The following MAN2A1 variants were observed in gnomAD, a reference collection of about 807,000 sequenced individuals.
MAN2A1 encodes mannosidase alpha class 2A member 1.
A neutral mutation model predicts 142.6 loss-of-function variants in MAN2A1; 76 were observed. The observed-to-expected ratio is 0.53, with a 90% CI of 0.44 to 0.65. MAN2A1 has a LOEUF of 0.65. Ranked by LOEUF, MAN2A1 falls within the 30% of genes least tolerant of loss-of-function variation. MAN2A1 has a pLI of 0.00. For synonymous variants in MAN2A1, 559 were observed against 473.2 expected, an observed-to-expected ratio of 1.18 and a Z score of -2.35; for missense variants, 1,311 against 1,365.1, an observed-to-expected ratio of 0.96 and a Z score of 0.62.
At position 109,868,867 on chromosome 5, in the gene MAN2A1, C is replaced by A. The variant is rs1460807721; in HGVS notation, c.*1869C>A. ...ATTGCATCTTAAATGTATAACCTTC[C>A]TGTGGGAGTTCAGTTTGTCTGTGGT... On this transcript the variant is annotated 3_prime_UTR_variant, in exon 22 of 22. Transcript: ENST00000261483. 1 of 152,082 alleles carries A rather than the reference C, an allele frequency of 6.6e-6. No individual in the cohort carries two copies. The highest frequency in any genetic ancestry group is 1.5e-5 in the Non-Finnish European group (1 of 68,034). The allele number at this position is 152,082 out of a possible 1,614,324, so 9.4% of individuals were successfully genotyped here.
Position 109,823,831 on chromosome 5 carries a change from A to C in MAN2A1, c.2560A>C (p.Ile854Leu). The C allele has an allele frequency of 1.3e-6, 2 of 1,516,662 alleles. No individual in the cohort carries two copies. Among genetic ancestry groups the C allele is most frequent in the Non-Finnish European group, 1.8e-6 (2 of 1,115,096 alleles). The allele number at this position is 1,516,662 out of a possible 1,614,324, so 94.0% of individuals were successfully genotyped here. A position where few individuals can be genotyped will look rare whatever the true frequency, so the allele number is the denominator to read the frequency against. ...TACTCATAGAGTCCGACTATACCACATACAGGGTAAGAAAATAGGAATGCA... is the reference window on the plus strand; with the variant it reads ...TACTCATAGAGTCCGACTATACCACCTACAGGGTAAGAAAATAGGAATGCA... ...HVTHRVRLYH[I>L]QGIEGQSVEV... The change falls in exon 16 of 22, where the codon ATA (isoleucine) becomes CTA (leucine). Residue 854 changes from isoleucine to leucine, a missense_variant. Ile to Leu is a conservative substitution (Grantham distance 5). Coordinates refer to ENST00000261483, the MANE Select transcript of MAN2A1 (RefSeq NM_002372.4).
At chr5:109,851,184 C>G (rs763226806) in intron 19 of MAN2A1, among the ~76,000 whole-genome samples, 8 of 152,226 alleles carry the variant, frequency 5.3e-5, no homozygotes, top group Non-Finnish European at 1.2e-4. Context: ...TCAGTAAAAA[C>G]AAGGACTTGG....
intron 2 of MAN2A1, among the ~76,000 whole-genome samples, chr5:109,714,692 A>G (rs79657748): frequency 0.018 from 2,802 of 152,314 alleles, 33 homozygotes; most frequent in Middle Eastern, 0.071. Context: ...AAGTTGGACA[A>G]AATTATTTGG....
chr5:109,820,991 T>C (rs1307292908), intron 15 of MAN2A1, among the ~76,000 whole-genome samples: 1 of 152,180 alleles, frequency 6.6e-6, no homozygotes, highest in African/African-American at 2.4e-5. Flanking sequence ...GGACCATTTT[T>C]CTCCTTAACT....
intron 16 of MAN2A1, among the ~76,000 whole-genome samples, chr5:109,829,113 A>G (rs897996566): frequency 5.3e-5 from 8 of 152,236 alleles, no homozygotes; most frequent in African/African-American, 1.9e-4. Flanking sequence ...TTTGTAAGCA[A>G]TGAATCCAGC....
intron 4 of MAN2A1, among the ~76,000 whole-genome samples, chr5:109,730,179 T>G (rs536381459): frequency 1.3e-5 from 2 of 152,314 alleles, no homozygotes; most frequent in Admixed American, 1.3e-4. Flanking sequence ...AGCAATATAA[T>G]TTTTGAAGTT....
chr5:109,790,086 T>C (rs2112679664), intron 12 of MAN2A1, among the ~76,000 whole-genome samples: 1 of 151,964 alleles, frequency 6.6e-6, no homozygotes, highest in Non-Finnish European at 1.5e-5. Flanking sequence ...TATAAAGAAA[T>C]GCATTATGTT....
chr5:109,738,024 A>G (rs903037331), intron 4 of MAN2A1, among the ~76,000 whole-genome samples: 5 of 152,258 alleles, frequency 3.3e-5, no homozygotes, highest in African/African-American at 9.6e-5. Flanking sequence ...TTCCTTATAC[A>G]GCTTTGTTCA....
intron 20 of MAN2A1, among the ~76,000 whole-genome samples, chr5:109,859,452 A>G (rs1755702357): frequency 2.6e-5 from 4 of 152,238 alleles, no homozygotes; most frequent in Admixed American, 2.6e-4. Context: ...CCTGCCTCAC[A>G]GCATGCTGCG....
In MAN2A1 at chr5:109,830,680, TTAAG is replaced by T. The variant is rs550525932; in HGVS notation, c.2566+6849_2566+6852del. On this transcript the variant is annotated intron_variant, in intron 16 of 21. Coordinates refer to ENST00000261483, the MANE Select transcript of MAN2A1 (RefSeq NM_002372.4). ...TAGTTTGATTTAAAAGTAAAAAGCA[TTAAG>T]TAAGTTATAGCTAGGCAGGCTTAGG... 1.9e-3 allele frequency among the ~76,000 whole-genome samples: 295 copies of T among 152,358 alleles called. 2 individuals are homozygous for T. Among genetic ancestry groups the T allele is most frequent in the Non-Finnish European group, 3.3e-3 (226 of 68,024 alleles).
intron 3 of MAN2A1, among the ~76,000 whole-genome samples, chr5:109,725,917 A>G (rs73217353): frequency 0.01 from 1,594 of 152,296 alleles, 30 homozygotes; most frequent in African/African-American, 0.036. Flanking sequence ...AGAACTTAAA[A>G]AAAAATAGTG....
At chr5:109,841,137 C>G (rs957224217) in intron 16 of MAN2A1, among the ~76,000 whole-genome samples, 1 of 152,072 alleles carries the variant, frequency 6.6e-6, no homozygotes, top group East Asian at 1.9e-4. Context: ...ATATCTCTCT[C>G]GCACCGTTTT....
intron 5 of MAN2A1, among the ~76,000 whole-genome samples, chr5:109,765,446 T>C (rs1323723705): frequency 6.6e-6 from 1 of 152,192 alleles, no homozygotes; most frequent in East Asian, 1.9e-4. Flanking sequence ...TTGTCCTCAC[T>C]GCATCATATC....
intron 8 of MAN2A1, among the ~76,000 whole-genome samples, chr5:109,775,725 G>A (rs146360659): frequency 2.0e-5 from 3 of 151,972 alleles, no homozygotes; most frequent in East Asian, 3.9e-4. Context: ...TAAAAGTTCT[G>A]TTTAAAAATA....
chr5:109,729,404 G>A lies in MAN2A1; in HGVS notation c.598G>A (p.Val200Ile), dbSNP rs775626433. 6.2e-6 allele frequency: 10 copies of A among 1,605,816 alleles called. No homozygotes were observed. The highest frequency in any genetic ancestry group is 1.3e-5 in the African/African-American group (1 of 74,610). Reference sequence around the variant, plus strand: ...GACTCAGTATATTTTTAATAACATGGTCCTAAAGCTGAAAGAAGACTCACG... The same window carrying A: ...GACTCAGTATATTTTTAATAACATGATCCTAAAGCTGAAAGAAGACTCACG... Reference protein sequence around the residue: ...DKTQYIFNNMVLKLKEDSRRK... With the variant: ...DKTQYIFNNMILKLKEDSRRK... The change falls in exon 4 of 22, where the codon GTC (valine) becomes ATC (isoleucine). Residue 200 changes from valine (V) to isoleucine (I), a missense_variant. By Grantham distance (29) the Val-to-Ile change is conservative. Coordinates refer to ENST00000261483, the MANE Select transcript of MAN2A1 (RefSeq NM_002372.4).
chr5:109,830,082 A>G (rs1003665145), intron 16 of MAN2A1, among the ~76,000 whole-genome samples: 2 of 152,196 alleles, frequency 1.3e-5, no homozygotes, highest in Non-Finnish European at 1.5e-5. Context: ...TATCAAATCC[A>G]AGTCTCACCC....
chr5:109,755,891 GC>G (rs1214928360), intron 5 of MAN2A1, among the ~76,000 whole-genome samples: 3 of 152,032 alleles, frequency 2.0e-5, no homozygotes, highest in South Asian at 2.1e-4. Context: ...TGTTGTCTGG[GC>G]ACTGTATCTT....
intron 12 of MAN2A1, among the ~76,000 whole-genome samples, chr5:109,815,011 A>G (rs1365767666): frequency 6.6e-6 from 1 of 152,174 alleles, no homozygotes; most frequent in Non-Finnish European, 1.5e-5. Flanking sequence ...AGTTCTTTAA[A>G]TACTAGCTCT....
chr5:109,731,519 A>ACCCC (rs1751910898), intron 4 of MAN2A1, among the ~76,000 whole-genome samples: 1 of 45,676 alleles, frequency 2.2e-5, no homozygotes, highest in African/African-American at 8.9e-5. Flanking sequence ...CCCTCCCCCA[A>ACCCC]CCCCACAACA....
Sources: allele counts gnomAD v4.1 joint callset (sites outside exome capture counted in the v4.1 genomes callset), GRCh38; gene constraint gnomAD v4.1.1; transcripts MANE v1.5; gene names NCBI Gene and HGNC (gene_info 2026-07-23, HGNC 2026-07-21).